ATP8B4: variants seen among roughly 807,000 people sequenced by gnomAD.
ATP8B4 encodes probable phospholipid-transporting ATPase IM.
ATP8B4 carries 133 observed loss-of-function variants against 145.6 expected under a neutral mutation model. The ratio of observed to expected loss-of-function variants is 0.91; its 90% CI spans 0.79 to 1.05. ATP8B4 has a LOEUF of 1.05. Ranked by LOEUF, ATP8B4 falls within the 50% of genes least tolerant of loss-of-function variation. The probability of loss-of-function intolerance (pLI) is 0.00; values close to 1 mark genes in which losing one functional copy is unlikely to be tolerated. For synonymous variants in ATP8B4, 507 were observed against 492.9 expected (o/e 1.03, Z -0.38); for missense variants, 1,458 against 1,425.2 (o/e 1.02, Z -0.37).
intron 12 of ATP8B4, among the ~76,000 whole-genome samples, chr15:49,973,606 C>A (rs1199036014): frequency 6.6e-6 from 1 of 151,240 alleles, no homozygotes; most frequent in Non-Finnish European, 1.5e-5. Flanking sequence ...AGTGTTGCAT[C>A]ACATTCTAAT....
At chr15:50,096,621 T>C (rs1364858846) in intron 2 of ATP8B4, among the ~76,000 whole-genome samples, 1 of 152,166 alleles carries the variant, frequency 6.6e-6, no homozygotes, top group African/African-American at 2.4e-5. Flanking sequence ...AGGACTGCAA[T>C]GCTGCCTCCC....
At chr15:49,940,330 G>A (rs2042065796) in intron 14 of ATP8B4, among the ~76,000 whole-genome samples, 1 of 152,150 alleles carries the variant, frequency 6.6e-6, no homozygotes, top group South Asian at 2.1e-4. Flanking sequence ...TCATTTATAA[G>A]TGGGAGCTAA....
chr15:50,128,546 TCA>T (rs1422661050), intron 1 of ATP8B4, among the ~76,000 whole-genome samples: 1 of 152,088 alleles, frequency 6.6e-6, no homozygotes, highest in African/African-American at 2.4e-5. Context: ...CCCTCTACTG[TCA>T]CAGAGTCACA....
chr15:50,143,841 G>T (rs1190856741), intron 1 of ATP8B4, among the ~76,000 whole-genome samples: 1 of 152,192 alleles, frequency 6.6e-6, no homozygotes, highest in Admixed American at 6.5e-5. Flanking sequence ...AACTAATCAT[G>T]AGTGAGGGGG....
At chr15:49,924,181 C>T (rs920749011) in intron 16 of ATP8B4, among the ~76,000 whole-genome samples, 1 of 151,964 alleles carries the variant, frequency 6.6e-6, no homozygotes, top group South Asian at 2.1e-4. Flanking sequence ...CCTAGGCTAC[C>T]CTCAACTCCA....
chr15:50,172,875 C>G lies in ATP8B4; in HGVS notation c.-43+9386G>C, dbSNP rs539130467. On this transcript the variant is annotated intron_variant, in intron 1 of 3. Coordinates refer to the ATP8B4 transcript ENST00000558829. ...TGAGGAGCGTCTCTGACCGGCCGCC[C>G]CGTCTGAGAAGTGAGGAGCCCCTCC... Among the ~76,000 whole-genome samples the G allele has an allele frequency of 6.1e-3, 917 of 151,246 alleles. 11 individuals are homozygous for G. The highest frequency in any genetic ancestry group is 0.022 in the African/African-American group (892 of 41,186).
At chr15:50,155,361 T>C (rs1327801197) in intron 1 of ATP8B4, among the ~76,000 whole-genome samples, 1 of 152,154 alleles carries the variant, frequency 6.6e-6, no homozygotes, top group Non-Finnish European at 1.5e-5. Flanking sequence ...GTTTATAGCT[T>C]ATATGTTTAT....
intron 2 of ATP8B4, among the ~76,000 whole-genome samples, chr15:50,093,194 A>T (rs1217647144): frequency 6.1e-5 from 9 of 146,366 alleles, no homozygotes; most frequent in Admixed American, 6.9e-5. Flanking sequence ...TCCCACATTT[A>T]AAAAAAAAAG....
intron 25 of ATP8B4, among the ~76,000 whole-genome samples, chr15:49,866,700 A>G (rs963670080): frequency 6.6e-6 from 1 of 152,202 alleles, no homozygotes. Context: ...TTCTATACGC[A>G]AGCCATTATA....
At chr15:49,974,081 CTTTT>C (rs5812500) in intron 12 of ATP8B4, among the ~76,000 whole-genome samples, 4 of 126,718 alleles carry the variant, frequency 3.2e-5, no homozygotes, top group African/African-American at 9.0e-5. Context: ...TATCATTTGT[CTTTT>C]TTTTTTTTTT....
rs114649722 is a variant in ATP8B4, at chr15:50,118,736, T to C, written c.-43+387A>G. On this transcript the variant is annotated intron_variant, in intron 1 of 27. Coordinates refer to ENST00000284509, the MANE Select transcript of ATP8B4 (RefSeq NM_024837.4). ...AAGCATAAATTGACCATAAACAATA[T>C]ATTGAATAGGTGCACTGTATACAAA... Among the ~76,000 whole-genome samples the C allele has an allele frequency of 9.9e-3, 1,514 of 152,162 alleles. 28 individuals are homozygous for C. Among genetic ancestry groups the C allele is most frequent in the African/African-American group, 0.035 (1,463 of 41,504 alleles).
Position 50,047,363 on chromosome 15 carries a change from A to C in ATP8B4, c.189T>G (p.Leu63=), listed in dbSNP as rs1567260476. The change falls in exon 4 of 28, where the codon CTT becomes CTG. Residue 63 remains leucine (L), a synonymous_variant. Coordinates refer to ENST00000284509, the MANE Select transcript of ATP8B4 (RefSeq NM_024837.4). ...QRVANAYFLC[L]LILQLIPEIS... ...ACCTAAATATTACCTGTAAAATCAG[A>C]AGGCAAAGAAAATAGGCATTTGCCA... 1 of 1,560,038 alleles carries C rather than the reference A, an allele frequency of 6.4e-7. No individual in the cohort carries two copies. The highest frequency in any genetic ancestry group is 8.8e-7 in the Non-Finnish European group (1 of 1,131,316).
At chr15:49,998,682 T>C (rs2047630062) in intron 8 of ATP8B4, among the ~76,000 whole-genome samples, 1 of 152,316 alleles carries the variant, frequency 6.6e-6, no homozygotes, top group Non-Finnish European at 1.5e-5. Flanking sequence ...GTCTCCCATT[T>C]TGTAGTTGCC....
At chr15:49,909,722 CAAAAAAAAAA>C (rs995336781) in intron 20 of ATP8B4, among the ~76,000 whole-genome samples, 5 of 72,018 alleles carry the variant, frequency 6.9e-5, no homozygotes, top group African/African-American at 1.7e-4. Flanking sequence ...CTTTGTTTAC[CAAAAAAAAAA>C]AAAAAAAAAA....
At chr15:49,991,475 A>G (rs1165012418) in intron 9 of ATP8B4, among the ~76,000 whole-genome samples, 1 of 152,188 alleles carries the variant, frequency 6.6e-6, no homozygotes, top group Non-Finnish European at 1.5e-5. Flanking sequence ...TTACATAATA[A>G]TAATTGACAA....
intron 3 of ATP8B4, among the ~76,000 whole-genome samples, chr15:50,054,666 C>A (rs1383673244): frequency 1.3e-5 from 2 of 151,558 alleles, no homozygotes; most frequent in East Asian, 3.9e-4. Context: ...TGCCTGTAGT[C>A]CCAGCTACTT....
chr15:49,882,900 T>C (rs902690959), intron 23 of ATP8B4, among the ~76,000 whole-genome samples: 3 of 152,206 alleles, frequency 2.0e-5, no homozygotes. Flanking sequence ...TTATATACTT[T>C]TTAATATATT....
intron 3 of ATP8B4, among the ~76,000 whole-genome samples, chr15:50,061,535 T>C (rs2053023869): frequency 6.6e-6 from 1 of 152,234 alleles, no homozygotes; most frequent in South Asian, 2.1e-4. Flanking sequence ...TTGATTTTAA[T>C]AAGCCTATAT....
intron 1 of ATP8B4, among the ~76,000 whole-genome samples, chr15:50,111,818 T>C (rs1402210119): frequency 6.6e-6 from 1 of 152,114 alleles, no homozygotes; most frequent in Admixed American, 6.5e-5. Flanking sequence ...TGCATAAACA[T>C]TAGGAACAAA....
Sources: gnomAD v4.1 joint callset for allele counts (sites outside exome capture counted in the v4.1 genomes callset) on GRCh38, gnomAD v4.1.1 for gene constraint, MANE v1.5 for transcripts, NCBI Gene and HGNC (gene_info 2026-07-23, HGNC 2026-07-21) for gene names.